Variants in AQP2 observed in about 807,000 individuals in gnomAD.
AQP2 encodes the protein aquaporin 2.
AQP2 carries 20 observed loss-of-function variants against 21.6 expected under a neutral mutation model. That is an observed-to-expected ratio of 0.92 (90% CI 0.65 to 1.34). The LOEUF (loss-of-function observed/expected upper bound fraction) is 1.34. Ranked by LOEUF, AQP2 falls within the 40% of genes most tolerant of loss-of-function variation. AQP2 has a pLI of 0.00. For missense variants in AQP2, 325 were observed against 363.4 expected, an observed-to-expected ratio of 0.89 and a Z score of 0.86; for synonymous variants, 168 against 166.9, an observed-to-expected ratio of 1.01 and a Z score of -0.05.
At chr12:49,953,324 C>T (rs761780516) in intron 1 of AQP2, among the ~76,000 whole-genome samples, 3 of 152,190 alleles carry the variant, frequency 2.0e-5, no homozygotes, top group African/African-American at 4.8e-5. Flanking sequence ...AGTGCAGTGC[C>T]CAGCCCCAGA....
rs1947385548 is a variant in AQP2, at chr12:49,957,973, C to G, written c.*2365C>G. 6.6e-6 allele frequency: 1 copy of G among 152,196 alleles called. No individual in the cohort carries two copies. The highest frequency in any genetic ancestry group is 2.1e-4 in the South Asian group (1 of 4,828). 9.4% of individuals were successfully genotyped at this position (152,196 alleles called of 1,614,324 possible). A position where few individuals can be genotyped will look rare whatever the true frequency, so the allele number is the denominator to read the frequency against. ...GTGAAATCCCTACCATTTCTAGCCT[C>G]TATTGCCCAGATTGGAGTCAGAGGT... On this transcript the variant is annotated 3_prime_UTR_variant, in exon 4 of 4. Coordinates refer to ENST00000199280, the MANE Select transcript of AQP2 (RefSeq NM_000486.6).
In AQP2 at chr12:49,956,370, A is replaced by G. The variant is rs2137150052; in HGVS notation, c.*762A>G. Reference sequence around the variant, plus strand: ...CTGGAGGTAGAGAGGTGTCAACCAGAGAACAGCTCCCCTAGACATGGCCTC... The same window carrying G: ...CTGGAGGTAGAGAGGTGTCAACCAGGGAACAGCTCCCCTAGACATGGCCTC... On this transcript the variant is annotated 3_prime_UTR_variant, in exon 4 of 4. Transcript: ENST00000199280. 1 of 152,392 alleles carries G rather than the reference A, an allele frequency of 6.6e-6. No homozygotes were observed. Among genetic ancestry groups the G allele is most frequent in the African/African-American group, 2.4e-5 (1 of 41,578 alleles). The allele number at this position is 152,392 out of a possible 1,614,324, so 9.4% of individuals were successfully genotyped here.
rs779279677 is a variant in AQP2 at position 49,950,837 on chromosome 12, G to A, written c.7G>A (p.Glu3Lys). MW[E>K]LRSIAFSRAV... Reference sequence around the variant, plus strand: ...CCCCGCAGGGCTCTGCAGCATGTGGGAGCTCCGCTCCATAGCCTTCTCCAG... The same window carrying A: ...CCCCGCAGGGCTCTGCAGCATGTGGAAGCTCCGCTCCATAGCCTTCTCCAG... Residue 3 changes from glutamate to lysine, a missense_variant, in exon 1 of 4, where the codon GAG becomes AAG. By Grantham distance (56) the Glu-to-Lys change is moderately conservative. Transcript: ENST00000199280. 3.7e-6 allele frequency: 6 copies of A among 1,611,706 alleles called. No homozygotes were observed. The highest frequency in any genetic ancestry group is 1.1e-5 in the South Asian group (1 of 91,060).
chr12:49,954,664 G>A lies in AQP2; in HGVS notation c.560G>A (p.Arg187His), dbSNP rs193922495. ...HYTGCSMNPA[R>H]SLAPAVVTGK... is the part of the protein sequence containing the mutation. ...ACCGGCTGCTCTATGAATCCTGCCC[G>A]CTCCCTGGCTCCAGCTGTCGTCACT... The change falls in exon 3 of 4, where the codon CGC becomes CAC. Residue 187 changes from arginine to histidine, a missense_variant. Arg to His is a conservative substitution (Grantham distance 29, BLOSUM62 0). Coordinates refer to ENST00000199280, the MANE Select transcript of AQP2 (RefSeq NM_000486.6). 1.2e-5 allele frequency: 20 copies of A among 1,613,964 alleles called. No individual in the cohort carries two copies. Among genetic ancestry groups the A allele is most frequent in the East Asian group, 2.2e-5 (1 of 44,882 alleles).
In AQP2 at chr12:49,955,991, T is replaced by A. The variant is rs1740936629; in HGVS notation, c.*383T>A. The A allele has an allele frequency of 2.5e-6, 1 of 407,514 alleles. No homozygotes were observed. Among genetic ancestry groups the A allele is most frequent in the Non-Finnish European group, 4.6e-6 (1 of 216,918 alleles). 25.2% of individuals were successfully genotyped at this position (407,514 alleles called of 1,614,324 possible). A position where few individuals can be genotyped will look rare whatever the true frequency, so the allele number is the denominator to read the frequency against. On this transcript the variant is annotated 3_prime_UTR_variant, in exon 4 of 4. Transcript: ENST00000199280. The stretch of plus-strand genomic sequence containing the variant: ...CCTGCCTTGGGGGTTCCGGGAATGA[T>A]GCAACTGGTTTTACTAGTGTGCAAG...
At chr12:49,954,550 C>T (rs1947352419) in intron 2 of AQP2, 80 bp from the exon 3 acceptor site, 4 of 1,528,198 alleles carry the variant, frequency 2.6e-6, no homozygotes, top group Non-Finnish European at 3.6e-6. Flanking sequence ...AGGCTGAGGT[C>T]AAGCACTGCA....
chr12:49,958,142 A>G lies in AQP2; in HGVS notation c.*2534A>G, dbSNP rs1291031094. 5 of 152,340 alleles carry G rather than the reference A, an allele frequency of 3.3e-5. No homozygotes were observed. The East Asian group carries it at 9.6e-4, about 29-fold the overall frequency. 9.4% of individuals were successfully genotyped at this position (152,340 alleles called of 1,614,324 possible). A position where few individuals can be genotyped will look rare whatever the true frequency, so the allele number is the denominator to read the frequency against. On this transcript the variant is annotated 3_prime_UTR_variant, in exon 4 of 4. Transcript: ENST00000199280. ...CCTCAAACTTCAGATAGGTTAGGGA[A>G]GGACAAAGGCCCCCAGCCATGAAGG...
chr12:49,954,794 G>A (rs1013031145), intron 3 of AQP2, 84 bp downstream of exon 3: 2 of 1,488,078 alleles, frequency 1.3e-6, no homozygotes, highest in African/African-American at 2.8e-5. Flanking sequence ...ATGGGATGGG[G>A]GCTCAGCAGC....
rs764534087 is a variant in AQP2, at chr12:49,955,983, G to C, written c.*375G>C. 2.4e-6 allele frequency: 1 copy of C among 419,012 alleles called. No individual in the cohort carries two copies. Among genetic ancestry groups the C allele is most frequent in the African/African-American group, 2.0e-5 (1 of 49,938 alleles). The allele number at this position is 419,012 out of a possible 1,614,324, so 26.0% of individuals were successfully genotyped here. ...TACAGACCCCTGCCTTGGGGGTTCC[G>C]GGAATGATGCAACTGGTTTTACTAG... On this transcript the variant is annotated 3_prime_UTR_variant, in exon 4 of 4. Coordinates refer to ENST00000199280, the MANE Select transcript of AQP2 (RefSeq NM_000486.6).
rs1947392847 is a variant in AQP2 at position 49,958,694 on chromosome 12, A to G, written c.*3086A>G. 6.6e-6 allele frequency: 1 copy of G among 152,256 alleles called. No homozygotes were observed. Among genetic ancestry groups the G allele is most frequent in the South Asian group, 2.1e-4 (1 of 4,834 alleles). The allele number at this position is 152,256 out of a possible 1,614,324, so 9.4% of individuals were successfully genotyped here. On this transcript the variant is annotated 3_prime_UTR_variant, in exon 4 of 4. Coordinates refer to ENST00000199280, the MANE Select transcript of AQP2 (RefSeq NM_000486.6). ...TTGTGCCAAATGACTTTGCACCTGC[A>G]AATGGTGCTTCAATGTCGTTTTGTA...
chr12:49,954,248 C>A lies in AQP2; in HGVS notation c.454C>A (p.Arg152Ser). The A allele has an allele frequency of 6.2e-7, 1 of 1,606,786 alleles. No homozygotes were observed. The highest frequency in any genetic ancestry group is 8.5e-7 in the Non-Finnish European group (1 of 1,179,976). ...VLCIFASTDERRGENPGTPAL... is the reference protein window; with the variant it reads ...VLCIFASTDESRGENPGTPAL... Reference sequence around the variant, plus strand: ...CTGCATCTTCGCCTCCACCGATGAGCGCCGCGGAGAGAACCCGGGCACCCC... The same window carrying A: ...CTGCATCTTCGCCTCCACCGATGAGAGCCGCGGAGAGAACCCGGGCACCCC... The change falls in exon 2 of 4, where the codon CGC (arginine) becomes AGC (serine). Residue 152 changes from arginine to serine, a missense_variant. Transcript: ENST00000199280.
At chr12:49,955,336 C>A in intron 3 of AQP2, 63 bp from the exon 4 acceptor site, 1 of 1,536,284 alleles carries the variant, frequency 6.5e-7, no homozygotes, top group Non-Finnish European at 8.9e-7. Flanking sequence ...GCCGCCGGGG[C>A]CTGCGGGCTC....
rs1274534169 is a variant in AQP2, at chr12:49,957,590, C to T, written c.*1982C>T. ...TGTCCCCTCTCATCTATGCTCTTTC[C>T]TGTCTTCCTTGACCAAAGCTCTCTT... On this transcript the variant is annotated 3_prime_UTR_variant, in exon 4 of 4. Transcript: ENST00000199280. 6.6e-6 allele frequency: 1 copy of T among 152,324 alleles called. No individual in the cohort carries two copies. Among genetic ancestry groups the T allele is most frequent in the East Asian group, 1.9e-4 (1 of 5,202 alleles). 9.4% of individuals were successfully genotyped at this position (152,324 alleles called of 1,614,324 possible).
At chr12:49,953,313 C>T (rs1036536777) in intron 1 of AQP2, among the ~76,000 whole-genome samples, 1 of 152,200 alleles carries the variant, frequency 6.6e-6, no homozygotes, top group Non-Finnish European at 1.5e-5. Flanking sequence ...CTGTTCCACC[C>T]AGTGCAGTGC....
rs952839057 is a variant in AQP2, at chr12:49,958,740, A to T, written c.*3132A>T. On this transcript the variant is annotated 3_prime_UTR_variant, in exon 4 of 4. Transcript: ENST00000199280. ...TTGTATCTTTAAGCTGTGATGTTGT[A>T]TATATACAATGCCTCCCAGCTAGAC... 1 of 152,250 alleles carries T rather than the reference A, an allele frequency of 6.6e-6. No individual in the cohort carries two copies. The allele number at this position is 152,250 out of a possible 1,614,324, so 9.4% of individuals were successfully genotyped here.
At position 49,951,099 on chromosome 12, in the gene AQP2, T is replaced by C. The variant is rs771750531; in HGVS notation, c.269T>C (p.Val90Ala). The change falls in exon 1 of 4, where the codon GTG (valine) becomes GCG (alanine). Residue 90 changes from valine to alanine, a missense_variant. Transcript: ENST00000199280. ...TCCGTTCTCCGAGCCGCCTTCTACG[T>C]GGCTGCCCAGCTGCTGGGGGCTGTG... is the stretch of plus-strand genomic sequence containing the variant. ...HVSVLRAAFY[V>A]AAQLLGAVAG... 1 of 1,609,210 alleles carries C rather than the reference T, an allele frequency of 6.2e-7. No homozygotes were observed. Among genetic ancestry groups the C allele is most frequent in the Non-Finnish European group, 8.5e-7 (1 of 1,176,290 alleles).
In AQP2 at chr12:49,950,788, C is replaced by A. The variant is rs1204071470; in HGVS notation, c.-43C>A. ...TGCGAGAGCGAGTGCCCGGAGCATC[C>A]TGGCCCTGAGACAGCTGGGCCAGCC... is the stretch of plus-strand genomic sequence containing the variant. On this transcript the variant is annotated 5_prime_UTR_variant, in exon 1 of 4. In the 5' UTR this introduces an upstream ATG that the reference lacks. Coordinates refer to ENST00000199280, the MANE Select transcript of AQP2 (RefSeq NM_000486.6). The A allele has an allele frequency of 6.3e-7, 1 of 1,592,646 alleles. No homozygotes were observed.
Position 49,951,069 on chromosome 12 carries a change from A to T in AQP2, c.239A>T (p.His80Leu). Residue 80 changes from histidine to leucine, a missense_variant, in exon 1 of 4, where the codon CAC becomes CTC. Physicochemically the swap from His to Leu is moderately conservative, Grantham distance 99. Coordinates refer to ENST00000199280, the MANE Select transcript of AQP2 (RefSeq NM_000486.6). ...AVTVACLVGC[H>L]VSVLRAAFYV... ...ACTGTGGCCTGCCTGGTGGGCTGCC[A>T]CGTCTCCGTTCTCCGAGCCGCCTTC... 1 of 1,612,378 alleles carries T rather than the reference A, an allele frequency of 6.2e-7. No homozygotes were observed. The highest frequency in any genetic ancestry group is 1.1e-5 in the South Asian group (1 of 91,050).
In AQP2 at chr12:49,957,292, T is replaced by C. The variant is rs10875989; in HGVS notation, c.*1684T>C. 53,190 of 152,098 alleles carry C rather than the reference T, an allele frequency of 0.35. 10,132 individuals carry two copies. Among genetic ancestry groups the C allele is most frequent in the South Asian group, 0.64 (3,073 of 4,810 alleles). 9.4% of individuals were successfully genotyped at this position (152,098 alleles called of 1,614,324 possible). A position where few individuals can be genotyped will look rare whatever the true frequency, so the allele number is the denominator to read the frequency against. Reference sequence around the variant, plus strand: ...CTCTTCTTACCCTGAATGTGTGCCCTATCTTTTCTCCCACCTCCTTCCTCC... The same window carrying C: ...CTCTTCTTACCCTGAATGTGTGCCCCATCTTTTCTCCCACCTCCTTCCTCC... On this transcript the variant is annotated 3_prime_UTR_variant, in exon 4 of 4. Transcript: ENST00000199280.
Sources: allele counts gnomAD v4.1 joint callset (sites outside exome capture counted in the v4.1 genomes callset), GRCh38; gene constraint gnomAD v4.1.1; transcripts MANE v1.5; gene names NCBI Gene and HGNC (gene_info 2026-07-23, HGNC 2026-07-21).